ABCA8: variants seen among roughly 807,000 people sequenced by gnomAD.
ABCA8 encodes the protein ATP binding cassette subfamily A member 8.
In ABCA8, 177 loss-of-function variants were observed where a neutral mutation model predicts 192.3. That is an observed-to-expected ratio of 0.92 (90% CI 0.81 to 1.04). The LOEUF (loss-of-function observed/expected upper bound fraction) is 1.04. ABCA8 is among the 50% of genes least tolerant of loss of function. The pLI is 0.00. For missense variants in ABCA8, 1,915 were observed against 1,904.8 expected, an observed-to-expected ratio of 1.01 and a Z score of -0.10; for synonymous variants, 642 against 690.2, an observed-to-expected ratio of 0.93 and a Z score of 1.09.
Position 68,903,447 on chromosome 17 carries a change from C to T in ABCA8, c.2451G>A (p.Arg817=), listed in dbSNP as rs575245439. 2 of 1,613,998 alleles carry T rather than the reference C, an allele frequency of 1.2e-6. No individual in the cohort carries two copies. Among genetic ancestry groups the T allele is most frequent in the African/African-American group, 1.3e-5 (1 of 74,902 alleles). ...AGAGGACTTGTTCCATCTCAACAAG[C>T]CTTTCAGTGTCGTCAGCTTTTTCCG... ...VQAEKADDTE[R]LVEMEQVLSS... is the part of the protein sequence containing the mutation. Residue 817 remains arginine (R), a synonymous_variant, in exon 20 of 40, where the codon AGG becomes AGA. Coordinates refer to ENST00000586539, the MANE Select transcript of ABCA8 (RefSeq NM_001288985.2).
intron 7 of ABCA8, among the ~76,000 whole-genome samples, chr17:68,930,388 TAAGA>T (rs1039298480): frequency 5.3e-5 from 8 of 152,348 alleles, no homozygotes; most frequent in Non-Finnish European, 1.0e-4. Context: ...TTGTTTTTGT[TAAGA>T]AAGATTTTTT....
At chr17:68,938,792 G>A (rs1321274099) in intron 4 of ABCA8, among the ~76,000 whole-genome samples, 1 of 152,084 alleles carries the variant, frequency 6.6e-6, no homozygotes, top group Non-Finnish European at 1.5e-5. Context: ...TGTAGATATA[G>A]TCTGACTGTT....
At chr17:68,881,811 G>A in intron 31 of ABCA8, 52 bp downstream of exon 31, 1 of 1,335,512 alleles carries the variant, frequency 7.5e-7, no homozygotes, top group Non-Finnish European at 1.1e-6. Flanking sequence ...TTAGGAACCA[G>A]GAACCTCTGA....
chr17:68,876,243 C>G (rs2143243069), intron 35 of ABCA8: 1 of 613,730 alleles, frequency 1.6e-6, no homozygotes, highest in East Asian at 2.9e-5. Flanking sequence ...ACCTATGGGC[C>G]CTAACAATGG....
At chr17:68,913,446 G>T (rs936725246) in intron 17 of ABCA8, among the ~76,000 whole-genome samples, 1 of 150,458 alleles carries the variant, frequency 6.6e-6, no homozygotes, top group Non-Finnish European at 1.5e-5. Flanking sequence ...ACAAAAAGTT[G>T]AAAAATTTGA....
In ABCA8 at chr17:68,949,359, C is replaced by T. The variant is rs2068504520; in HGVS notation, c.-53G>A. The T allele has an allele frequency of 6.6e-6, 1 of 152,160 alleles. No homozygotes were observed. The highest frequency in any genetic ancestry group is 2.1e-4 in the South Asian group (1 of 4,830). The allele number at this position is 152,160 out of a possible 1,614,324, so 9.4% of individuals were successfully genotyped here. ...AGACAGATTCACAGCTGAATTCTAC[C>T]AGTGGTACAAGAGGAGCTGGTAGCA... is the stretch of plus-strand genomic sequence containing the variant. On this transcript the variant is annotated 5_prime_UTR_variant, in exon 2 of 40. Coordinates refer to ENST00000586539, the MANE Select transcript of ABCA8 (RefSeq NM_001288985.2).
At chr17:68,878,318 A>T (rs528851573) in intron 32 of ABCA8, 1 of 152,442 alleles carries the variant, frequency 6.6e-6, no homozygotes, top group South Asian at 2.1e-4. Flanking sequence ...ATGGAAAAAA[A>T]GGCAAGAGCA....
intron 5 of ABCA8, among the ~76,000 whole-genome samples, chr17:68,936,726 T>G (rs555838204): frequency 2.6e-5 from 4 of 152,208 alleles, no homozygotes; most frequent in South Asian, 4.1e-4. Context: ...TTTACATATA[T>G]AAATATATAT....
intron 7 of ABCA8, among the ~76,000 whole-genome samples, chr17:68,930,253 C>T (rs111793514): frequency 0.014 from 2,189 of 152,244 alleles, 51 homozygotes; most frequent in African/African-American, 0.05. Context: ...CACAAGCTTC[C>T]TCAGAGACAA....
intron 37 of ABCA8, among the ~76,000 whole-genome samples, chr17:68,870,381 C>T (rs988073366): frequency 6.6e-6 from 1 of 152,176 alleles, no homozygotes; most frequent in Non-Finnish European, 1.5e-5. Context: ...TGTGGAAACT[C>T]CCCTGCCACT....
Position 68,937,064 on chromosome 17 carries a change from G to C in ABCA8, c.353C>G (p.Ala118Gly). The C allele has an allele frequency of 1.2e-6, 2 of 1,610,178 alleles. No individual in the cohort carries two copies. Among genetic ancestry groups the C allele is most frequent in the Non-Finnish European group, 1.7e-6 (2 of 1,178,364 alleles). ...PDEESIKEFTANYPEEIVRVT... is the reference protein window; with the variant it reads ...PDEESIKEFTGNYPEEIVRVT... Reference sequence around the variant, plus strand: ...TCTTACTATTTCTTCAGGATAATTTGCTGTGAATTCTTTAATACTTTCCTC... The same window carrying C: ...TCTTACTATTTCTTCAGGATAATTTCCTGTGAATTCTTTAATACTTTCCTC... The change falls in exon 5 of 40, where the codon GCA becomes GGA. Residue 118 changes from alanine (A) to glycine (G), a missense_variant. Physicochemically the swap from Ala to Gly is moderately conservative, Grantham distance 60 (BLOSUM62 0). Transcript: ENST00000586539.
intron 37 of ABCA8, among the ~76,000 whole-genome samples, chr17:68,873,695 T>C (rs1003999622): frequency 1.3e-5 from 2 of 152,234 alleles, no homozygotes; most frequent in Non-Finnish European, 2.9e-5. Context: ...CTTATGTTTA[T>C]GTCTTTCATC....
intron 36 of ABCA8, 74 bp from the exon 37 acceptor site, chr17:68,875,474 T>C: frequency 6.2e-7 from 1 of 1,602,654 alleles, no homozygotes; most frequent in Non-Finnish European, 8.5e-7. Context: ...CTTGATTTGC[T>C]GCTAGCATTG....
In ABCA8 at chr17:68,949,423, A is replaced by T. The variant is rs1448488077; in HGVS notation, c.-117T>A. On this transcript the variant is annotated 5_prime_UTR_variant, in exon 2 of 40. Coordinates refer to ENST00000586539, the MANE Select transcript of ABCA8 (RefSeq NM_001288985.2). ...AATTCCAAACAGTCGAAAAAGAGGG[A>T]CTCCTCTCTAACTCACATTATGAGG... 1 of 152,062 alleles carries T rather than the reference A, an allele frequency of 6.6e-6. No homozygotes were observed. The highest frequency in any genetic ancestry group is 1.5e-5 in the Non-Finnish European group (1 of 68,024). 9.4% of individuals were successfully genotyped at this position (152,062 alleles called of 1,614,324 possible).
chr17:68,913,157 C>T (rs940474093), intron 17 of ABCA8, among the ~76,000 whole-genome samples: 3 of 151,630 alleles, frequency 2.0e-5, no homozygotes, highest in Non-Finnish European at 4.4e-5. Flanking sequence ...ACCAGTGTGT[C>T]AAGGAAGAAA....
chr17:68,953,387 A>G (rs1225683513), intron 1 of ABCA8, among the ~76,000 whole-genome samples: 2 of 152,292 alleles, frequency 1.3e-5, no homozygotes, highest in Admixed American at 1.3e-4. Flanking sequence ...ATGAGCCCCA[A>G]CTGAAGCCAT....
chr17:68,943,731 G>A (rs2068298322), intron 2 of ABCA8, among the ~76,000 whole-genome samples: 1 of 152,164 alleles, frequency 6.6e-6, no homozygotes, highest in Non-Finnish European at 1.5e-5. Flanking sequence ...TATAAAAGCA[G>A]GTAGGGAGAA....
chr17:68,897,459 G>T (rs2066795543), intron 21 of ABCA8, among the ~76,000 whole-genome samples: 1 of 152,148 alleles, frequency 6.6e-6, no homozygotes, highest in Non-Finnish European at 1.5e-5. Context: ...TAAAAAATAA[G>T]AAAGTGTCAC....
In ABCA8 at chr17:68,913,695, A is replaced by G. The variant is rs530286149; in HGVS notation, c.2138+3666T>C. ...CAAGATTGAACCGTGAAGAAATCCA[A>G]AACCTGAACATACCAATAACAACCA... On this transcript the variant is annotated intron_variant, in intron 17 of 39. Transcript: ENST00000586539. Among the ~76,000 whole-genome samples, 199 of 152,252 alleles carry G rather than the reference A, an allele frequency of 1.3e-3. 2 individuals carry two copies. Among genetic ancestry groups the G allele is most frequent in the African/African-American group, 4.6e-3 (192 of 41,574 alleles).
Sources: allele counts gnomAD v4.1 joint callset (sites outside exome capture counted in the v4.1 genomes callset), GRCh38; gene constraint gnomAD v4.1.1; transcripts MANE v1.5; gene names NCBI Gene and HGNC (gene_info 2026-07-23, HGNC 2026-07-21).